The following TCF12 variants were observed in gnomAD, a reference collection of about 807,000 sequenced individuals.
TCF12 encodes the protein DNA-binding protein HTF4.
In TCF12, 45 loss-of-function variants were observed where a neutral mutation model predicts 86.0. That is an observed-to-expected ratio of 0.52 (90% CI 0.41 to 0.67). The LOEUF (loss-of-function observed/expected upper bound fraction) is 0.67. Ranked by LOEUF, TCF12 falls within the 30% of genes least tolerant of loss-of-function variation. The pLI is 0.00. For missense variants in TCF12, 881 were observed against 859.9 expected (o/e 1.02, Z -0.31); for synonymous variants, 330 against 299.6 (o/e 1.10, Z -1.05).
chr15:57,103,329 G>A (rs1292790613), intron 5 of TCF12, among the ~76,000 whole-genome samples: 1 of 152,128 alleles, frequency 6.6e-6, no homozygotes, highest in Non-Finnish European at 1.5e-5. Flanking sequence ...AGTATTTGAA[G>A]AATTTTCTGA....
chr15:57,245,363 T>C (rs2059810209), intron 13 of TCF12, among the ~76,000 whole-genome samples: 1 of 152,236 alleles, frequency 6.6e-6, no homozygotes, highest in African/African-American at 2.4e-5. Context: ...CCCATTGACT[T>C]AAAGATGTTG....
At chr15:56,977,027 C>G (rs2062640575) in intron 3 of TCF12, among the ~76,000 whole-genome samples, 2 of 152,096 alleles carry the variant, frequency 1.3e-5, no homozygotes, top group African/African-American at 4.8e-5. Flanking sequence ...CCATATTGGA[C>G]AGTGCTGATT....
At chr15:57,176,567 G>A (rs953982644) in intron 6 of TCF12, among the ~76,000 whole-genome samples, 8 of 152,114 alleles carry the variant, frequency 5.3e-5, no homozygotes, top group African/African-American at 1.7e-4. Context: ...CTGCTGTTGC[G>A]TCTGTTATTA....
chr15:57,162,496 A>G (rs1335003503), intron 5 of TCF12, among the ~76,000 whole-genome samples: 2 of 152,210 alleles, frequency 1.3e-5, no homozygotes, highest in African/African-American at 4.8e-5. Flanking sequence ...AAGGTGAAAT[A>G]AAAATGTATT....
In TCF12 at chr15:56,958,669, G is replaced by GAA. The variant is rs2061599640; in HGVS notation, c.148+37572_148+37573insAA. Among the ~76,000 whole-genome samples the GAA allele has an allele frequency of 4.2e-4, 29 of 69,378 alleles. No individual in the cohort carries two copies. The Admixed American group carries it at 4.3e-3, about 10-fold the overall frequency. 45.5% of individuals were successfully genotyped at this position (69,378 alleles called of 152,430 possible). ...TTTGCCTGTATATGAGAAAGAGAGA[G>GAA]AGAGAGAGAGTGTGTGTGTGTGTGT... On this transcript the variant is annotated intron_variant, in intron 3 of 20. Coordinates refer to ENST00000333725, the MANE Select transcript of TCF12 (RefSeq NM_207037.2).
chr15:57,211,516 G>T (rs1207839496), intron 8 of TCF12, among the ~76,000 whole-genome samples: 1 of 152,224 alleles, frequency 6.6e-6, no homozygotes, highest in Non-Finnish European at 1.5e-5. Flanking sequence ...TGGCATAAAT[G>T]TTATTAGAAT....
At chr15:56,996,313 C>T (rs767596016) in intron 3 of TCF12, among the ~76,000 whole-genome samples, 12 of 152,042 alleles carry the variant, frequency 7.9e-5, no homozygotes, top group African/African-American at 1.2e-4. Flanking sequence ...GATGATGCAA[C>T]AGAATAGAGA....
intron 4 of TCF12, among the ~76,000 whole-genome samples, chr15:57,071,803 G>A (rs1482352997): frequency 6.6e-6 from 1 of 152,154 alleles, no homozygotes; most frequent in Non-Finnish European, 1.5e-5. Flanking sequence ...TAATAGAGGA[G>A]GAAGTGTTTG....
intron 5 of TCF12, among the ~76,000 whole-genome samples, chr15:57,114,255 A>G (rs1039540536): frequency 2.0e-5 from 3 of 152,156 alleles, no homozygotes; most frequent in South Asian, 2.1e-4. Context: ...ATCCCAAGGT[A>G]CTTTCAGCCA....
intron 5 of TCF12, among the ~76,000 whole-genome samples, chr15:57,094,384 G>A (rs778362932): frequency 1.3e-5 from 2 of 152,158 alleles, no homozygotes; most frequent in Non-Finnish European, 2.9e-5. Context: ...GTACCTTAGT[G>A]TAAACAATCT....
chr15:57,097,210 A>T (rs1211007555), intron 5 of TCF12, among the ~76,000 whole-genome samples: 2 of 152,196 alleles, frequency 1.3e-5, no homozygotes, highest in Non-Finnish European at 2.9e-5. Flanking sequence ...CACCATTTTC[A>T]GACTATCAAA....
intron 8 of TCF12, chr15:57,219,023 A>T (rs1034514189): frequency 9.6e-7 from 1 of 1,042,814 alleles, no homozygotes; most frequent in African/African-American, 1.7e-5. Flanking sequence ...TCATGTGTTT[A>T]TCAAAGTTGA....
intron 7 of TCF12, among the ~76,000 whole-genome samples, chr15:57,194,533 G>A (rs138780579): frequency 3.3e-5 from 5 of 152,236 alleles, no homozygotes; most frequent in East Asian, 1.9e-4. Context: ...AAATCTCAGC[G>A]TTTAAAAGCA....
rs996345411 is a variant in TCF12, at chr15:57,282,506, C to T, written c.2040C>T (p.Ala680=). ...LKRREEEKVS[A]VSAEPPTTLP... is the part of the protein sequence containing the mutation. Reference sequence around the variant, plus strand: ...GAAGGGAAGAAGAAAAAGTTTCTGCCGTATCGGCAGAGCCGCCAACCACAC... The same window carrying T: ...GAAGGGAAGAAGAAAAAGTTTCTGCTGTATCGGCAGAGCCGCCAACCACAC... The change falls in exon 20 of 21, where the codon GCC becomes GCT. Residue 680 remains alanine (A), a synonymous_variant. Coordinates refer to ENST00000333725, the MANE Select transcript of TCF12 (RefSeq NM_207037.2). 18 of 1,614,086 alleles carry T rather than the reference C, an allele frequency of 1.1e-5. No individual in the cohort carries two copies. Among genetic ancestry groups the T allele is most frequent in the Admixed American group, 5.0e-5 (3 of 60,014 alleles).
intron 3 of TCF12, among the ~76,000 whole-genome samples, chr15:57,041,577 CAAACCTGA>C (rs1445827975): frequency 6.6e-6 from 1 of 152,092 alleles, no homozygotes; most frequent in African/African-American, 2.4e-5. Context: ...GAGCCACTGC[CAAACCTGA>C]AAACAACAAT....
At chr15:56,971,651 A>G (rs1394113407) in intron 3 of TCF12, among the ~76,000 whole-genome samples, 1 of 152,110 alleles carries the variant, frequency 6.6e-6, no homozygotes, top group Non-Finnish European at 1.5e-5. Flanking sequence ...TGGAGTGGGA[A>G]AGTGTAAGAT....
intron 16 of TCF12, among the ~76,000 whole-genome samples, chr15:57,253,890 A>G (rs1186982643): frequency 3.9e-5 from 6 of 152,216 alleles, no homozygotes; most frequent in Non-Finnish European, 8.8e-5. Context: ...TTATTCCCGA[A>G]CTGCGGGGGA....
chr15:57,139,060 G>A (rs1180756509), intron 5 of TCF12, among the ~76,000 whole-genome samples: 2 of 152,132 alleles, frequency 1.3e-5, no homozygotes, highest in Non-Finnish European at 2.9e-5. Context: ...CTCTAGATAA[G>A]ATCATATTTA....
intron 4 of TCF12, among the ~76,000 whole-genome samples, 167 bp from the exon 5 acceptor site, chr15:57,091,621 AG>A (rs1225744954): frequency 6.6e-6 from 1 of 152,226 alleles, no homozygotes; most frequent in Non-Finnish European, 1.5e-5. Context: ...AAATCTTAAA[AG>A]GAATAAAAGA....
Sources: gnomAD v4.1 joint callset for allele counts (sites outside exome capture counted in the v4.1 genomes callset) on GRCh38, gnomAD v4.1.1 for gene constraint, MANE v1.5 for transcripts, NCBI Gene and HGNC (gene_info 2026-07-23, HGNC 2026-07-21) for gene names.